Variants in FBXL17 observed in about 807,000 individuals in gnomAD.
FBXL17 encodes the protein F-box and leucine rich repeat protein 17.
FBXL17 carries 22 observed loss-of-function variants against 66.2 expected under a neutral mutation model. The ratio of observed to expected loss-of-function variants is 0.33; its 90% CI spans 0.24 to 0.47. FBXL17 has a LOEUF of 0.47. Ranked by LOEUF, FBXL17 falls within the 20% of genes least tolerant of loss-of-function variation. The pLI is 1.00. For synonymous variants in FBXL17, 474 were observed against 400.5 expected (o/e 1.18, Z -2.19); for missense variants, 878 against 948.2 (o/e 0.93, Z 0.97).
intron 6 of FBXL17, among the ~76,000 whole-genome samples, chr5:108,044,861 T>C (rs181415637): frequency 6.6e-6 from 1 of 152,238 alleles, no homozygotes; most frequent in East Asian, 1.9e-4. Flanking sequence ...ATTGGATAAG[T>C]TGTGGTAGCT....
At chr5:108,152,047 T>G (rs1263475612) in intron 6 of FBXL17, among the ~76,000 whole-genome samples, 1 of 152,188 alleles carries the variant, frequency 6.6e-6, no homozygotes, top group African/African-American at 2.4e-5. Context: ...AGATTTTGAA[T>G]CGCTGGTGAA....
At chr5:108,168,725 C>T (rs1752499689) in intron 6 of FBXL17, among the ~76,000 whole-genome samples, 1 of 152,118 alleles carries the variant, frequency 6.6e-6, no homozygotes, top group African/African-American at 2.4e-5. Flanking sequence ...CATTACTATT[C>T]CATGTTCTCT....
intron 7 of FBXL17, among the ~76,000 whole-genome samples, chr5:107,903,437 G>A (rs1749641628): frequency 6.6e-6 from 1 of 152,166 alleles, no homozygotes; most frequent in Non-Finnish European, 1.5e-5. Context: ...CGGAAATGCT[G>A]TTTTTATAGT....
intron 6 of FBXL17, among the ~76,000 whole-genome samples, chr5:108,143,304 T>C (rs1751428693): frequency 6.6e-6 from 1 of 151,358 alleles, no homozygotes; most frequent in South Asian, 2.1e-4. Context: ...CTTCAATAAA[T>C]GAACATAGAC....
intron 7 of FBXL17, among the ~76,000 whole-genome samples, chr5:107,899,507 G>C (rs1749496213): frequency 6.6e-6 from 1 of 152,102 alleles, no homozygotes. Context: ...GTGATGGCAG[G>C]CATCTGTAGT....
intron 8 of FBXL17, among the ~76,000 whole-genome samples, chr5:107,871,500 C>A (rs1184480244): frequency 6.6e-6 from 1 of 152,156 alleles, no homozygotes; most frequent in East Asian, 1.9e-4. Flanking sequence ...CCTGTATCAC[C>A]AAGCTATCCT....
chr5:107,919,114 T>C (rs1321571064), intron 7 of FBXL17, among the ~76,000 whole-genome samples: 3 of 152,122 alleles, frequency 2.0e-5, no homozygotes, highest in Non-Finnish European at 4.4e-5. Context: ...GATAAACAGA[T>C]TACGCACTGA....
At chr5:108,192,291 T>C (rs1345660674) in intron 5 of FBXL17, among the ~76,000 whole-genome samples, 1 of 152,202 alleles carries the variant, frequency 6.6e-6, no homozygotes, top group Non-Finnish European at 1.5e-5. Flanking sequence ...CACAGAGGAT[T>C]TGAATAAGCA....
intron 6 of FBXL17, among the ~76,000 whole-genome samples, chr5:108,108,663 G>A (rs908161009): frequency 1.3e-5 from 2 of 151,840 alleles, no homozygotes; most frequent in Non-Finnish European, 2.9e-5. Flanking sequence ...AATTTTTTCA[G>A]CACTAAGTAG....
intron 4 of FBXL17, among the ~76,000 whole-genome samples, chr5:108,259,550 A>G (rs944458331): frequency 5.3e-5 from 8 of 152,196 alleles, no homozygotes; most frequent in Non-Finnish European, 4.4e-5. Context: ...TCACCCACAC[A>G]GCCTCAGTTA....
At chr5:107,968,210 C>T (rs913189909) in intron 7 of FBXL17, among the ~76,000 whole-genome samples, 1 of 151,982 alleles carries the variant, frequency 6.6e-6, no homozygotes, top group South Asian at 2.1e-4. Context: ...ATGAAGAGCT[C>T]TTTTTTTCAG....
intron 6 of FBXL17, among the ~76,000 whole-genome samples, chr5:108,163,355 G>A (rs1752285109): frequency 6.6e-6 from 1 of 151,688 alleles, no homozygotes; most frequent in Admixed American, 6.6e-5. Flanking sequence ...ACACGAAAAT[G>A]GGCTAAGATG....
At chr5:107,871,069 A>AAAAAAAAAAAACAAAAC (rs1456052737) in intron 8 of FBXL17, among the ~76,000 whole-genome samples, 5 of 130,234 alleles carry the variant, frequency 3.8e-5, no homozygotes, top group African/African-American at 1.6e-4. Flanking sequence ...AAAAAAAAAA[A>AAAAAAAAAAAACAAAAC]AAAAAAAAAA....
At chr5:108,201,746 T>A (rs1338641359) in intron 5 of FBXL17, among the ~76,000 whole-genome samples, 1 of 151,726 alleles carries the variant, frequency 6.6e-6, no homozygotes, top group East Asian at 1.9e-4. Flanking sequence ...ACCCCTTCCA[T>A]GTTCAATATC....
At chr5:108,307,845 A>G (rs1299714705) in intron 4 of FBXL17, among the ~76,000 whole-genome samples, 2 of 152,162 alleles carry the variant, frequency 1.3e-5, no homozygotes, top group Non-Finnish European at 2.9e-5. Flanking sequence ...ATAAAACATC[A>G]AAGAATAAGG....
At chr5:108,086,851 G>A (rs111929616) in intron 6 of FBXL17, among the ~76,000 whole-genome samples, 14,617 of 152,002 alleles carry the variant, frequency 0.096, 979 homozygotes, top group Non-Finnish European at 0.14. Flanking sequence ...GTAAGCTACC[G>A]CACCCCGCCA....
chr5:108,356,657 G>A (rs754974352), intron 3 of FBXL17, among the ~76,000 whole-genome samples: 1 of 152,046 alleles, frequency 6.6e-6, no homozygotes, highest in Non-Finnish European at 1.5e-5. Context: ...GGGGTTGCCA[G>A]GAGTTAGAGG....
chr5:108,132,226 T>C (rs1750964977), intron 6 of FBXL17, among the ~76,000 whole-genome samples: 1 of 152,176 alleles, frequency 6.6e-6, no homozygotes, highest in Non-Finnish European at 1.5e-5. Flanking sequence ...TCCGCCCGCA[T>C]CAGCCTCCCA....
chr5:107,994,958 T>C (rs1443846127), intron 7 of FBXL17, among the ~76,000 whole-genome samples: 1 of 152,184 alleles, frequency 6.6e-6, no homozygotes, highest in African/African-American at 2.4e-5. Context: ...TTAAAAGTAA[T>C]GATACTGGTT....
Sources: gnomAD v4.1 joint callset for allele counts (sites outside exome capture counted in the v4.1 genomes callset) on GRCh38, gnomAD v4.1.1 for gene constraint, MANE v1.5 for transcripts, NCBI Gene and HGNC (gene_info 2026-07-23, HGNC 2026-07-21) for gene names.